TMEM247: variants seen among roughly 807,000 people sequenced by gnomAD.
The protein encoded by TMEM247 is transmembrane protein ENSP00000343375.
Under a neutral mutation model 20.7 loss-of-function variants are expected in TMEM247, and 23 were observed. The ratio of observed to expected loss-of-function variants is 1.11; its 90% CI spans 0.80 to 1.57. The LOEUF (loss-of-function observed/expected upper bound fraction) is 1.57. Ranked by LOEUF, TMEM247 falls within the 40% of genes most tolerant of loss-of-function variation. The pLI is 0.00. For missense variants in TMEM247, 354 were observed against 283.8 expected, an observed-to-expected ratio of 1.25 and a Z score of -1.78; for synonymous variants, 106 against 111.9, an observed-to-expected ratio of 0.95 and a Z score of 0.33.
At chr2:46,480,648 C>T (rs1397597312) in exon 2 of TMEM247, 2 of 1,292,988 alleles carry the variant, frequency 1.5e-6, no homozygotes, top group Admixed American at 3.0e-5. Context: ...GCTCAAGTAC[C>T]TGCATGAGAA....
chr2:46,483,063 C>CT (rs1558644241), intron 2 of TMEM247, among the ~76,000 whole-genome samples: 2 of 152,246 alleles, frequency 1.3e-5, no homozygotes, highest in African/African-American at 4.8e-5. Flanking sequence ...GAAAATACCT[C>CT]TTTGAGTGTG....
rs376176475 is a variant in TMEM247 at position 46,480,487 on chromosome 2, C to T, written c.200C>T (p.Pro67Leu). ...TGTGAGGACGGAGGCTGCCAAGGGC[C>T]GCTTAAATCGCTGTCCCCCAAGTCC... The change falls in exon 2 of 3, where the codon CCG (proline) becomes CTG (leucine). Residue 67 changes from proline (P) to leucine (L), a missense_variant. By Grantham distance (98) the Pro-to-Leu change is moderately conservative. Coordinates refer to ENST00000434431, the Ensembl canonical transcript of TMEM247. The T allele has an allele frequency of 3.6e-4, 551 of 1,551,546 alleles. No homozygotes were observed. The highest frequency in any genetic ancestry group is 4.0e-4 in the Non-Finnish European group (458 of 1,147,014).
intron 2 of TMEM247, among the ~76,000 whole-genome samples, chr2:46,481,371 C>A (rs1160835367): frequency 6.6e-6 from 1 of 152,190 alleles, no homozygotes; most frequent in East Asian, 1.9e-4. Context: ...GATAAGAATG[C>A]CTACTTGAGA....
chr2:46,480,680 C>T (rs769823616), exon 2 of TMEM247: 65 of 1,550,524 alleles, frequency 4.2e-5, no homozygotes, highest in South Asian at 9.5e-5. Flanking sequence ...AGCGGCAGCA[C>T]GAGGTGGTGA....
chr2:46,480,921 C>G (rs1382466785), intron 2 of TMEM247, among the ~76,000 whole-genome samples, 157 bp downstream of exon 2: 1 of 152,190 alleles, frequency 6.6e-6, no homozygotes, highest in African/African-American at 2.4e-5. Context: ...CTCGGGCGGT[C>G]TCCAGCCCTC....
chr2:46,480,286 C>A, intron 1 of TMEM247, 119 bp from the exon 2 acceptor site: 1 of 1,172,722 alleles, frequency 8.5e-7, no homozygotes, highest in Non-Finnish European at 1.2e-6. Flanking sequence ...CAGCCTAGAT[C>A]TTTACAATTC....
At chr2:46,480,808 G>A in intron 2 of TMEM247, 44 bp downstream of exon 2, 1 of 1,511,330 alleles carries the variant, frequency 6.6e-7, no homozygotes, top group Non-Finnish European at 8.9e-7. Flanking sequence ...GAGGCCTGGA[G>A]CTGAAGTCCC....
At chr2:46,483,741 T>G (rs1686934987) in intron 2 of TMEM247, among the ~76,000 whole-genome samples, 1 of 152,212 alleles carries the variant, frequency 6.6e-6, no homozygotes, top group Non-Finnish European at 1.5e-5. Context: ...GCTAGTTACC[T>G]GACTAGGAAT....
chr2:46,481,557 C>T (rs1686889500), intron 2 of TMEM247, among the ~76,000 whole-genome samples: 4 of 152,200 alleles, frequency 2.6e-5, no homozygotes, highest in African/African-American at 4.8e-5. Context: ...TGAGCTTTGG[C>T]TTGCTCATCC....
intron 2 of TMEM247, 61 bp from the exon 3 acceptor site, chr2:46,484,183 C>T: frequency 2.1e-6 from 3 of 1,457,584 alleles, no homozygotes; most frequent in Non-Finnish European, 2.8e-6. Flanking sequence ...CAGGACTGAA[C>T]CTAGATCTGC....
At chr2:46,480,019 C>T (rs1468965535) in intron 1 of TMEM247, among the ~76,000 whole-genome samples, 2 of 152,130 alleles carry the variant, frequency 1.3e-5, no homozygotes, top group African/African-American at 4.8e-5. Context: ...TCAATTCAGA[C>T]CCTGGGTTTC....
At chr2:46,482,415 T>C (rs1686905420) in intron 2 of TMEM247, among the ~76,000 whole-genome samples, 1 of 152,252 alleles carries the variant, frequency 6.6e-6, no homozygotes, top group Admixed American at 6.5e-5. Context: ...AAAGCAGATA[T>C]GATATTGTAA....
rs1005528831 is a variant in TMEM247, at chr2:46,480,349, G to C, written c.118-56G>C. 15 of 1,472,030 alleles carry C rather than the reference G, an allele frequency of 1.0e-5. No homozygotes were observed. The African/African-American group carries it at 2.0e-4, about 19-fold the overall frequency. 91.2% of individuals were successfully genotyped at this position (1,472,030 alleles called of 1,614,324 possible). A position where few individuals can be genotyped will look rare whatever the true frequency, so the allele number is the denominator to read the frequency against. On this transcript the variant is annotated intron_variant, in intron 1 of 2. Transcript: ENST00000434431. Reference sequence around the variant, plus strand: ...GCTGCGGGAGTTCCATGGGGTCAGGGGCAGCCCCATCCTGACTCTTCAAGG... The same window carrying C: ...GCTGCGGGAGTTCCATGGGGTCAGGCGCAGCCCCATCCTGACTCTTCAAGG...
intron 2 of TMEM247, among the ~76,000 whole-genome samples, chr2:46,481,908 G>C (rs1007280424): frequency 6.6e-6 from 1 of 152,098 alleles, no homozygotes; most frequent in African/African-American, 2.4e-5. Flanking sequence ...GTATAGGTTG[G>C]CAATGTTCCA....
chr2:46,479,853 G>T (rs1414741300), intron 1 of TMEM247, among the ~76,000 whole-genome samples, 151 bp downstream of exon 1: 1 of 152,186 alleles, frequency 6.6e-6, no homozygotes. Flanking sequence ...GCTGTCACCA[G>T]GGACCAGGTA....
At chr2:46,480,643 A>G in exon 2 of TMEM247, 1 of 1,551,780 alleles carries the variant, frequency 6.4e-7, no homozygotes. Flanking sequence ...ACGCGGCTCA[A>G]GTACCTGCAT....
At chr2:46,484,408 T>G (rs1686950083) in exon 3 of TMEM247, 2 of 1,551,620 alleles carry the variant, frequency 1.3e-6, no homozygotes. Flanking sequence ...TCTGTTTGAT[T>G]AAAACTTTCT....
In TMEM247 at chr2:46,481,622, C is replaced by T. The variant is rs113443570; in HGVS notation, c.477+858C>T. On this transcript the variant is annotated intron_variant, in intron 2 of 2. Coordinates refer to ENST00000434431, the Ensembl canonical transcript of TMEM247. ...TGTCAGGAATCAATGAGAGAACACA[C>T]GCAAAGCACTTTGCAATTAGCCCAG... is the stretch of plus-strand genomic sequence containing the variant. 6.3e-3 allele frequency among the ~76,000 whole-genome samples: 958 copies of T among 152,312 alleles called. 12 individuals carry two copies. Among genetic ancestry groups the T allele is most frequent in the African/African-American group, 0.022 (901 of 41,572 alleles).
At chr2:46,481,035 GAC>G (rs1449766656) in intron 2 of TMEM247, among the ~76,000 whole-genome samples, 1 of 152,188 alleles carries the variant, frequency 6.6e-6, no homozygotes, top group Non-Finnish European at 1.5e-5. Context: ...GCTGAGATGT[GAC>G]TCTCTAAGGA....
Sources: gnomAD v4.1 joint callset for allele counts (sites outside exome capture counted in the v4.1 genomes callset) on GRCh38, gnomAD v4.1.1 for gene constraint, MANE v1.5 for transcripts, NCBI Gene and HGNC (gene_info 2026-07-23, HGNC 2026-07-21) for gene names.